ARHGEF3: variants seen among roughly 807,000 people sequenced by gnomAD.
ARHGEF3 encodes Rho guanine nucleotide exchange factor 3.
A neutral mutation model predicts 63.2 loss-of-function variants in ARHGEF3; 28 were observed. That is an observed-to-expected ratio of 0.44 (90% CI 0.33 to 0.61). The LOEUF is 0.61. ARHGEF3 is among the 20% of genes least tolerant of loss of function. The pLI is 0.03. For synonymous variants in ARHGEF3, 266 were observed against 254.2 expected (o/e 1.05, Z -0.44); for missense variants, 533 against 659.3 (o/e 0.81, Z 2.10).
At chr3:56,786,084 A>G (rs2036793247) in intron 1 of ARHGEF3, among the ~76,000 whole-genome samples, 1 of 152,174 alleles carries the variant, frequency 6.6e-6, no homozygotes, top group Admixed American at 6.5e-5. Flanking sequence ...GTGTGTCCTC[A>G]GGAGCACATG....
At chr3:56,833,918 T>A (rs28542544) in intron 4 of ARHGEF3, among the ~76,000 whole-genome samples, 2 of 148,568 alleles carry the variant, frequency 1.3e-5, no homozygotes, top group Admixed American at 6.6e-5. Flanking sequence ...TTCTTTGTTT[T>A]CCCCCCCCAA....
chr3:56,743,969 T>G (rs1264709152), intron 7 of ARHGEF3, among the ~76,000 whole-genome samples: 1 of 152,068 alleles, frequency 6.6e-6, no homozygotes, highest in African/African-American at 2.4e-5. Flanking sequence ...ATTTGAATCC[T>G]GAATCCCAGC....
rs1469320482 is a variant in ARHGEF3 at position 56,951,047 on chromosome 3, C to T, written c.129+7776G>A. Among the ~76,000 whole-genome samples the T allele has an allele frequency of 1.3e-5, 2 of 151,612 alleles. 1 individual carries two copies. Among genetic ancestry groups the T allele is most frequent in the African/African-American group, 4.9e-5 (2 of 41,064 alleles). On this transcript the variant is annotated intron_variant, in intron 3 of 12. Transcript: ENST00000338458. ...CGCAAGGACAAAAAACCAAACACGG[C>T]ATGTTCTCACTCATAGGTGGGAATT...
intron 1 of ARHGEF3, chr3:57,078,986 C>G (rs1706340359): frequency 6.0e-6 from 2 of 335,200 alleles, no homozygotes; most frequent in African/African-American, 2.1e-5. Flanking sequence ...CCAGTGCGCC[C>G]CCGTGCGCTG....
At chr3:56,870,983 T>C (rs1047813829) in intron 4 of ARHGEF3, among the ~76,000 whole-genome samples, 3 of 152,140 alleles carry the variant, frequency 2.0e-5, no homozygotes, top group Admixed American at 1.3e-4. Context: ...TGACAACATG[T>C]CTTTAAAAAG....
intron 1 of ARHGEF3, chr3:56,775,392 GA>G: frequency 9.5e-7 from 1 of 1,048,586 alleles, no homozygotes; most frequent in South Asian, 3.6e-5. Context: ...AACTTAAAAA[GA>G]AAATTCAATA....
In ARHGEF3 at chr3:57,057,331, G is replaced by A. The variant is rs181062311; in HGVS notation, c.-28+21895C>T. 5.1e-4 allele frequency among the ~76,000 whole-genome samples: 77 copies of A among 152,164 alleles called. 1 individual carries two copies. The highest frequency in any genetic ancestry group is 1.1e-3 in the African/African-American group (45 of 41,502). On this transcript the variant is annotated intron_variant, in intron 1 of 12. Transcript: ENST00000338458. ...TTGCCATGTTGGCCAGGCTGGTCTC[G>A]AACTCCTGACCTCAAGTGATCCGAC...
At chr3:56,994,823 G>A in intron 2 of ARHGEF3, among the ~76,000 whole-genome samples, 1 of 152,196 alleles carries the variant, frequency 6.6e-6, no homozygotes, top group East Asian at 1.9e-4. Flanking sequence ...ATGTGAAACT[G>A]TGATCCCCAT....
At chr3:57,037,307 G>T (rs952186920) in intron 1 of ARHGEF3, among the ~76,000 whole-genome samples, 1 of 152,188 alleles carries the variant, frequency 6.6e-6, no homozygotes, top group African/African-American at 2.4e-5. Context: ...CACTTCTGCA[G>T]CTGTGAACAC....
chr3:56,819,252 T>C (rs967594949), intron 4 of ARHGEF3, among the ~76,000 whole-genome samples: 4 of 152,214 alleles, frequency 2.6e-5, no homozygotes, highest in African/African-American at 9.6e-5. Context: ...AGAAGGTATG[T>C]ATCAAGGGCT....
rs183399730 is a variant in ARHGEF3, at chr3:56,893,334, T to C, written c.130-10980A>G. Among the ~76,000 whole-genome samples, 320 of 152,266 alleles carry C rather than the reference T, an allele frequency of 2.1e-3. 2 individuals are homozygous for C. The highest frequency in any genetic ancestry group is 0.02 in the Middle Eastern group (6 of 294). On this transcript the variant is annotated intron_variant, in intron 3 of 12. Coordinates refer to the ARHGEF3 transcript ENST00000338458. ...CTAGGATTACAGGCATGTGCCACTG[T>C]GTCCAGCTAATTATTTTACTGTTAT...
chr3:57,020,370 T>A (rs1156535353), intron 2 of ARHGEF3, among the ~76,000 whole-genome samples: 2 of 152,064 alleles, frequency 1.3e-5, no homozygotes, highest in East Asian at 1.9e-4. Flanking sequence ...GGCATGAACA[T>A]CTGGGGTGTC....
intron 2 of ARHGEF3, among the ~76,000 whole-genome samples, chr3:56,959,382 T>C (rs1700181422): frequency 6.6e-6 from 1 of 152,122 alleles, no homozygotes. Flanking sequence ...CTGAAACTGG[T>C]TTCCTCACCT....
chr3:56,892,871 C>T (rs765170773), intron 3 of ARHGEF3, among the ~76,000 whole-genome samples: 3 of 152,220 alleles, frequency 2.0e-5, no homozygotes, highest in Admixed American at 6.5e-5. Flanking sequence ...CAAATGCCAA[C>T]GGGCAGGCCT....
At chr3:56,763,242 G>C (rs1198670358) in intron 2 of ARHGEF3, among the ~76,000 whole-genome samples, 1 of 152,158 alleles carries the variant, frequency 6.6e-6, no homozygotes, top group Non-Finnish European at 1.5e-5. Context: ...AAGAGGCTTG[G>C]CCAAGTCCCT....
chr3:56,737,631 G>T (rs1038308694), intron 7 of ARHGEF3, among the ~76,000 whole-genome samples: 1 of 151,734 alleles, frequency 6.6e-6, no homozygotes, highest in Non-Finnish European at 1.5e-5. Flanking sequence ...AATTTTATCC[G>T]GGAGGAAGAA....
At chr3:57,022,162 T>C (rs1316338801) in intron 2 of ARHGEF3, among the ~76,000 whole-genome samples, 2 of 152,094 alleles carry the variant, frequency 1.3e-5, no homozygotes, top group Non-Finnish European at 2.9e-5. Flanking sequence ...TAGTCCTAGC[T>C]ACTCTAGAGG....
At position 57,074,242 on chromosome 3, in the gene ARHGEF3, A is replaced by C. The variant is rs778804585; in HGVS notation, c.-28+4984T>G. 1 of 1,612,268 alleles carries C rather than the reference A, an allele frequency of 6.2e-7. No homozygotes were observed. The highest frequency in any genetic ancestry group is 1.1e-5 in the South Asian group (1 of 90,972). On this transcript the variant is annotated intron_variant, in intron 1 of 12. Transcript: ENST00000338458. ...AGGTCCCTCTCTACAGTATACTCCAACACACACATACACACACATCTGTAA... is the reference window on the plus strand; with the variant it reads ...AGGTCCCTCTCTACAGTATACTCCACCACACACATACACACACATCTGTAA...
intron 4 of ARHGEF3, among the ~76,000 whole-genome samples, chr3:56,843,992 C>T (rs749868094): frequency 2.6e-5 from 4 of 152,164 alleles, no homozygotes; most frequent in African/African-American, 9.7e-5. Context: ...CCATGAATCT[C>T]AGACTCATCA....
Sources: gnomAD v4.1 joint callset for allele counts (sites outside exome capture counted in the v4.1 genomes callset) on GRCh38, gnomAD v4.1.1 for gene constraint, MANE v1.5 for transcripts, NCBI Gene and HGNC (gene_info 2026-07-23, HGNC 2026-07-21) for gene names.